Variants in PER2 observed in about 807,000 individuals in gnomAD.
PER2 encodes period circadian protein homolog 2.
Under a neutral mutation model 121.0 loss-of-function variants are expected in PER2, and 66 were observed. The observed-to-expected ratio is 0.55, with a 90% confidence interval of 0.45 to 0.67. PER2 has a LOEUF of 0.67. Among genes scored for constraint, PER2 ranks in the 30% least tolerant of loss-of-function variants. The pLI, the probability that PER2 is intolerant of heterozygous loss-of-function variation, is 0.00. For synonymous variants in PER2, 684 were observed against 659.9 expected (o/e 1.04, Z -0.56); for missense variants, 1,521 against 1,635.0 (o/e 0.93, Z 1.20).
the PER2 span, chr2:238,295,728 A>G: frequency 6.3e-6 from 1 of 158,034 alleles, no homozygotes; most frequent in South Asian, 1.8e-4. Context: ...GCTCCTCCTC[A>G]ACAGATGGAG....
chr2:238,259,104 A>G (rs1695848958), intron 14 of PER2, among the ~76,000 whole-genome samples: 1 of 152,186 alleles, frequency 6.6e-6, no homozygotes, highest in Admixed American at 6.5e-5. Context: ...CATTCATCAC[A>G]TGCCTGTCCC....
At chr2:238,259,147 C>T (rs577397466) in intron 14 of PER2, among the ~76,000 whole-genome samples, 1 of 152,348 alleles carries the variant, frequency 6.6e-6, no homozygotes, top group East Asian at 1.9e-4. Context: ...CTGTGTCCAG[C>T]TCATTAGCGT....
At chr2:238,298,504 G>A in the PER2 span, 1 of 152,228 alleles carries the variant, frequency 6.6e-6, no homozygotes, top group Non-Finnish European at 1.5e-5. Context: ...TCTGGTAAGT[G>A]GGATTGTAAT....
Position 238,275,779 on chromosome 2 carries a change from A to T in PER2, c.412T>A (p.Leu138Met). 2 of 1,614,196 alleles carry T rather than the reference A, an allele frequency of 1.2e-6. No homozygotes were observed. Among genetic ancestry groups the T allele is most frequent in the Non-Finnish European group, 1.7e-6 (2 of 1,180,002 alleles). ...AKGKASTLAT[L>M]KYALRSVKQV... ...TTCACGCTCCTGAGGGCGTACTTCA[A>T]GGTGGCCAGCGTACTGGCCTTGCCC... The change falls in exon 4 of 23, where the codon TTG becomes ATG. Residue 138 changes from leucine to methionine, a missense_variant. Physicochemically the swap from Leu to Met is conservative, Grantham distance 15. Coordinates refer to ENST00000254657, the MANE Select transcript of PER2 (RefSeq NM_022817.3).
At chr2:238,275,392 A>G (rs1178517814) in intron 4 of PER2, among the ~76,000 whole-genome samples, 1 of 152,182 alleles carries the variant, frequency 6.6e-6, no homozygotes, top group Non-Finnish European at 1.5e-5. Flanking sequence ...TTTCCACTCT[A>G]AAGAAAAAAG....
Position 238,250,536 on chromosome 2 carries a change from A to G in PER2, c.3467+15T>C, listed in dbSNP as rs1177780182. ...CATCCCTCCCCAGGTGCCTAGGAAAACGCTGGGTGGTTACCGGGAAGGCAG... is the reference window on the plus strand; with the variant it reads ...CATCCCTCCCCAGGTGCCTAGGAAAGCGCTGGGTGGTTACCGGGAAGGCAG... On this transcript the variant is annotated intron_variant, in intron 21 of 22. Coordinates refer to ENST00000254657, the MANE Select transcript of PER2 (RefSeq NM_022817.3). 6.2e-7 allele frequency: 1 copy of G among 1,601,696 alleles called. No homozygotes were observed. Among genetic ancestry groups the G allele is most frequent in the Non-Finnish European group, 8.5e-7 (1 of 1,172,122 alleles).
In PER2 at chr2:238,252,981, C is replaced by A. The variant is rs753920067; in HGVS notation, c.3042G>T (p.Glu1014Asp). ...TGCAGTCCGCCCCTACAGCTGCTGT[C>A]TCTGTGGCCCCTGTGGTCCCCATGG... ...TGAMGTTGAT[E>D]TAAVGADCKP... is the part of the protein sequence containing the mutation. Residue 1014 changes from glutamate to aspartate, a missense_variant, in exon 19 of 23, where the codon GAG (glutamate) becomes GAT (aspartate). Coordinates refer to ENST00000254657, the MANE Select transcript of PER2 (RefSeq NM_022817.3). The surrounding 1 kb of genome is among the most constrained non-coding windows in gnomAD (Gnocchi z 4.2). 1.2e-5 allele frequency: 20 copies of A among 1,613,946 alleles called. No individual in the cohort carries two copies. Among genetic ancestry groups the A allele is most frequent in the Non-Finnish European group, 1.6e-5 (19 of 1,180,040 alleles).
At chr2:238,295,739 T>A in the PER2 span, 1 of 159,128 alleles carries the variant, frequency 6.3e-6, no homozygotes, top group Non-Finnish European at 1.4e-5. Context: ...ACAGATGGAG[T>A]CCTGCGATGA....
intron 1 of PER2, among the ~76,000 whole-genome samples, chr2:238,287,417 A>C (rs1334397060): frequency 1.3e-5 from 2 of 152,220 alleles, no homozygotes; most frequent in Admixed American, 6.5e-5. Context: ...CAGAAGCCCC[A>C]GGTGGGGGTA....
intron 9 of PER2, 94 bp from the exon 10 acceptor site, chr2:238,263,152 C>T: frequency 1.2e-6 from 1 of 800,586 alleles, no homozygotes; most frequent in Non-Finnish European, 2.2e-6. Context: ...AGAGAAGATA[C>T]ACTCCAAACC....
chr2:238,286,679 A>G (rs190142255), intron 1 of PER2, among the ~76,000 whole-genome samples: 2 of 152,280 alleles, frequency 1.3e-5, no homozygotes, highest in East Asian at 3.9e-4. Context: ...AAAAGGTAAA[A>G]GCACACCCAG....
chr2:238,263,843 G>C (rs1574849021), intron 9 of PER2, among the ~76,000 whole-genome samples: 1 of 152,220 alleles, frequency 6.6e-6, no homozygotes, highest in East Asian at 1.9e-4. Flanking sequence ...TCTTGTCTGA[G>C]GCTCTCTCTT....
At chr2:238,295,909 C>A in the PER2 span, 1 of 222,566 alleles carries the variant, frequency 4.5e-6, no homozygotes, top group African/African-American at 2.4e-5. Flanking sequence ...ACCCGGGGAA[C>A]TCTTTGCAAG....
chr2:238,287,625 G>C (rs1696827305), intron 1 of PER2, among the ~76,000 whole-genome samples: 1 of 152,248 alleles, frequency 6.6e-6, no homozygotes, highest in African/African-American at 2.4e-5. Context: ...CCTGCCCCAG[G>C]ACGATGGGAA....
At chr2:238,298,096 A>G in the PER2 span, among the ~76,000 whole-genome samples, 4 of 143,952 alleles carry the variant, frequency 2.8e-5, no homozygotes, top group South Asian at 2.2e-4. Flanking sequence ...GTGCAGTGGC[A>G]TGATCTCGGC....
At chr2:238,271,695 C>T (rs1314456532) in intron 5 of PER2, among the ~76,000 whole-genome samples, 182 bp from the exon 6 acceptor site, 8 of 152,114 alleles carry the variant, frequency 5.3e-5, no homozygotes, top group African/African-American at 1.2e-4. Context: ...GCAGGAGCAT[C>T]GCCATCTTGG....
chr2:238,272,922 T>G (rs892929942), intron 5 of PER2, 148 bp downstream of exon 5: 1 of 749,464 alleles, frequency 1.3e-6, no homozygotes, highest in Non-Finnish European at 2.4e-6. Flanking sequence ...AATCACTGAC[T>G]TCACATTCTT....
chr2:238,258,988 G>A (rs1364126328), intron 14 of PER2, among the ~76,000 whole-genome samples: 1 of 152,184 alleles, frequency 6.6e-6, no homozygotes, highest in African/African-American at 2.4e-5. Flanking sequence ...CGTACTTTAT[G>A]CTCCTCCTGG....
At chr2:238,249,761 G>C (rs1695549021) in intron 21 of PER2, among the ~76,000 whole-genome samples, 1 of 152,258 alleles carries the variant, frequency 6.6e-6, no homozygotes, top group Non-Finnish European at 1.5e-5. Flanking sequence ...GTGATAGTGA[G>C]TTGTAACGCG....
Sources: allele counts gnomAD v4.1 joint callset (sites outside exome capture counted in the v4.1 genomes callset), GRCh38; gene constraint gnomAD v4.1.1; non-coding constraint Gnocchi (gnomAD v3.1); transcripts MANE v1.5; gene names NCBI Gene and HGNC (gene_info 2026-07-23, HGNC 2026-07-21).